The following FGF10 variants were observed in gnomAD, a reference collection of about 807,000 sequenced individuals.
FGF10 encodes the protein FGF-10.
A neutral mutation model predicts 19.8 loss-of-function variants in FGF10; 2 were observed. The observed-to-expected ratio is 0.10, with a 90% CI of 0.04 to 0.32. The LOEUF (loss-of-function observed/expected upper bound fraction) is 0.32. Among genes scored for constraint, FGF10 ranks in the 10% least tolerant of loss-of-function variants. The probability of loss-of-function intolerance (pLI) is 1.00; values close to 1 mark genes in which losing one functional copy is unlikely to be tolerated. For missense variants in FGF10, 191 were observed against 246.3 expected, an observed-to-expected ratio of 0.78 and a Z score of 1.50; for synonymous variants, 112 against 94.0, an observed-to-expected ratio of 1.19 and a Z score of -1.10.
chr5:44,328,489 G>C (rs1269743553), intron 1 of FGF10, among the ~76,000 whole-genome samples: 1 of 152,162 alleles, frequency 6.6e-6, no homozygotes, highest in African/African-American at 2.4e-5. Flanking sequence ...CGGGCATGGT[G>C]GCTCACTCTT....
intron 1 of FGF10, among the ~76,000 whole-genome samples, chr5:44,325,877 AT>A (rs1021313637): frequency 2.5e-5 from 3 of 120,352 alleles, no homozygotes; most frequent in Admixed American, 9.2e-5. Context: ...ATAATACAAA[AT>A]TTTAAAAAAA....
At chr5:44,368,048 AC>A (rs1255800423) in intron 1 of FGF10, among the ~76,000 whole-genome samples, 1 of 151,914 alleles carries the variant, frequency 6.6e-6, no homozygotes, top group African/African-American at 2.4e-5. Context: ...TTTAATAACA[AC>A]CTATTCCAAA....
chr5:44,310,611 A>G, intron 1 of FGF10, 81 bp from the exon 2 acceptor site: 1 of 1,082,544 alleles, frequency 9.2e-7, no homozygotes, highest in Non-Finnish European at 1.4e-6. Context: ...GAAACTATTG[A>G]GTTGTTTTTT....
intron 1 of FGF10, among the ~76,000 whole-genome samples, chr5:44,321,504 G>A (rs1740486537): frequency 1.3e-5 from 2 of 152,162 alleles, no homozygotes; most frequent in Non-Finnish European, 2.9e-5. Flanking sequence ...GTCATTTTGT[G>A]TCAGTATATG....
At chr5:44,323,260 T>C (rs545118224) in intron 1 of FGF10, among the ~76,000 whole-genome samples, 1 of 152,312 alleles carries the variant, frequency 6.6e-6, no homozygotes, top group South Asian at 2.1e-4. Context: ...TTCTGACTAC[T>C]AAATACAATG....
intron 1 of FGF10, among the ~76,000 whole-genome samples, chr5:44,344,831 G>T (rs986662582): frequency 1.3e-5 from 2 of 150,704 alleles, no homozygotes; most frequent in African/African-American, 2.5e-5. Flanking sequence ...GATTTCATTT[G>T]AAAAAATAAC....
intron 1 of FGF10, among the ~76,000 whole-genome samples, chr5:44,338,777 T>C (rs1240287185): frequency 1.3e-5 from 2 of 152,236 alleles, no homozygotes. Flanking sequence ...TAGCTGTTTG[T>C]GATTAATTTG....
At chr5:44,308,397 C>T (rs1740132883) in intron 2 of FGF10, among the ~76,000 whole-genome samples, 1 of 151,970 alleles carries the variant, frequency 6.6e-6, no homozygotes, top group African/African-American at 2.4e-5. Flanking sequence ...TTTACATTTT[C>T]TTCCTTAATC....
At chr5:44,320,184 A>C (rs1740450677) in intron 1 of FGF10, among the ~76,000 whole-genome samples, 2 of 152,220 alleles carry the variant, frequency 1.3e-5, no homozygotes, top group South Asian at 4.1e-4. Context: ...GTTAGCAGAC[A>C]GATTTGACTG....
intron 1 of FGF10, among the ~76,000 whole-genome samples, chr5:44,383,076 G>A (rs1428176404): frequency 6.6e-6 from 1 of 152,072 alleles, no homozygotes; most frequent in Non-Finnish European, 1.5e-5. Flanking sequence ...TAAGGCTTAG[G>A]AAAGATGTAG....
chr5:44,376,510 A>C (rs1034332381), intron 1 of FGF10, among the ~76,000 whole-genome samples: 1,498 of 141,006 alleles, frequency 0.011, 91 homozygotes, highest in Non-Finnish European at 0.016. Flanking sequence ...AAAAAAAAAA[A>C]AAAAAAACAA....
At chr5:44,306,136 G>C (rs1024846190) in intron 2 of FGF10, among the ~76,000 whole-genome samples, 1 of 152,140 alleles carries the variant, frequency 6.6e-6, no homozygotes, top group South Asian at 2.1e-4. Flanking sequence ...AGTGCCTCAC[G>C]CCTGTAATCC....
intron 1 of FGF10, among the ~76,000 whole-genome samples, chr5:44,344,568 C>CTGTGTGTGTG (rs1166640935): frequency 0.032 from 4,034 of 126,794 alleles, 120 homozygotes; most frequent in East Asian, 0.087. Context: ...TTTGTTTTCT[C>CTGTGTGTGTG]TGTGTGTGTG....
rs1740035406 is a variant in FGF10 at position 44,304,701 on chromosome 5, A to G, written c.*294T>C. On this transcript the variant is annotated 3_prime_UTR_variant, in exon 3 of 3. Transcript: ENST00000264664. ...TAAGTTCTATCTCAGAGGTTTAAAA[A>G]CAAAAACTTGACAACAACAACAAAA... The G allele has an allele frequency of 1.6e-5, 6 of 380,856 alleles. No individual in the cohort carries two copies. The highest frequency in any genetic ancestry group is 2.4e-5 in the Non-Finnish European group (5 of 204,396). 23.6% of individuals were successfully genotyped at this position (380,856 alleles called of 1,614,324 possible).
chr5:44,319,056 G>A (rs899931398), intron 1 of FGF10, among the ~76,000 whole-genome samples: 4 of 152,240 alleles, frequency 2.6e-5, no homozygotes, highest in African/African-American at 9.6e-5. Flanking sequence ...TACCTGTAAA[G>A]GTTACTTAGA....
chr5:44,355,819 T>C (rs1236936959), intron 1 of FGF10, among the ~76,000 whole-genome samples: 1 of 151,372 alleles, frequency 6.6e-6, no homozygotes, highest in Non-Finnish European at 1.5e-5. Flanking sequence ...ATCTTATAAA[T>C]AAAATAAATT....
At chr5:44,373,089 G>T (rs185749121) in intron 1 of FGF10, among the ~76,000 whole-genome samples, 1 of 152,276 alleles carries the variant, frequency 6.6e-6, no homozygotes, top group East Asian at 1.9e-4. Flanking sequence ...TTTAGTTCCA[G>T]CTGGCAGTGT....
rs758776064 is a variant in FGF10, at chr5:44,302,074, A to AT, written c.*2920_*2921insA. Reference sequence around the variant, plus strand: ...CAGAGGCAGATCTCTCAATAGCTCCAATTTTTTTTTTTTTCAAATCTACAA... The same window carrying AT: ...CAGAGGCAGATCTCTCAATAGCTCCATATTTTTTTTTTTTTCAAATCTACAA... On this transcript the variant is annotated 3_prime_UTR_variant, in exon 3 of 3. Coordinates refer to ENST00000264664, the MANE Select transcript of FGF10 (RefSeq NM_004465.2). 3.1e-3 allele frequency among the ~76,000 whole-genome samples: 437 copies of AT among 140,778 alleles called. 3 individuals carry two copies. The highest frequency in any genetic ancestry group is 7.7e-3 in the East Asian group (37 of 4,778). The allele number at this position is 140,778 out of a possible 152,430, so 92.4% of individuals were successfully genotyped here.
At chr5:44,311,899 A>G (rs1740218818) in intron 1 of FGF10, among the ~76,000 whole-genome samples, 2 of 152,016 alleles carry the variant, frequency 1.3e-5, no homozygotes, top group Non-Finnish European at 2.9e-5. Context: ...CGAGAGATGA[A>G]TACCTTCTTT....
Sources: gnomAD v4.1 joint callset for allele counts (sites outside exome capture counted in the v4.1 genomes callset) on GRCh38, gnomAD v4.1.1 for gene constraint, MANE v1.5 for transcripts, NCBI Gene and HGNC (gene_info 2026-07-23, HGNC 2026-07-21) for gene names.